Variants in RHOT1 observed in about 807,000 individuals in gnomAD.
RHOT1 encodes the protein mitochondrial Rho GTPase 1.
Under a neutral mutation model 95.3 loss-of-function variants are expected in RHOT1, and 27 were observed. The observed-to-expected ratio is 0.28, with a 90% confidence interval of 0.21 to 0.39. The LOEUF (loss-of-function observed/expected upper bound fraction) is 0.39, where lower values mean the gene tolerates loss of function less well. Among genes scored for constraint, RHOT1 ranks in the 10% least tolerant of loss-of-function variants. The pLI is 1.00. For synonymous variants in RHOT1, 227 were observed against 263.5 expected (o/e 0.86, Z 1.34); for missense variants, 578 against 786.7 (o/e 0.73, Z 3.17).
chr17:32,165,496 C>T (rs900286093), intron 1 of RHOT1, among the ~76,000 whole-genome samples: 3 of 150,548 alleles, frequency 2.0e-5, no homozygotes, highest in Non-Finnish European at 4.4e-5. Flanking sequence ...GCACTCCAGC[C>T]TGAGTGATCG....
intron 16 of RHOT1, among the ~76,000 whole-genome samples, chr17:32,204,543 G>GAAA (rs58323302): frequency 0.059 from 3,248 of 54,684 alleles, 191 homozygotes; most frequent in African/African-American, 0.18. Flanking sequence ...TCCATCTCCA[G>GAAA]AAAAAAAAAA....
intron 1 of RHOT1, among the ~76,000 whole-genome samples, chr17:32,160,640 G>A (rs774968459): frequency 1.3e-5 from 2 of 152,200 alleles, no homozygotes; most frequent in Non-Finnish European, 2.9e-5. Flanking sequence ...GTGTTCTCCA[G>A]TGCCAGCTGT....
chr17:32,174,060 C>T (rs1394746501), intron 3 of RHOT1, 148 bp downstream of exon 3: 1 of 633,166 alleles, frequency 1.6e-6, no homozygotes, highest in Admixed American at 3.0e-5. Flanking sequence ...TCATTTATGT[C>T]TGTCAACCTC....
intron 16 of RHOT1, among the ~76,000 whole-genome samples, chr17:32,204,712 G>T (rs1419142555): frequency 6.6e-6 from 1 of 151,842 alleles, no homozygotes; most frequent in Non-Finnish European, 1.5e-5. Context: ...AATGGGTTAG[G>T]CATGGTGGCT....
At chr17:32,195,738 C>T (rs1242409754) in intron 11 of RHOT1, among the ~76,000 whole-genome samples, 1 of 152,170 alleles carries the variant, frequency 6.6e-6, no homozygotes, top group East Asian at 1.9e-4. Flanking sequence ...ATTCCTAGTC[C>T]ATTAATCAGT....
intron 19 of RHOT1, among the ~76,000 whole-genome samples, chr17:32,212,786 C>G (rs1204103001): frequency 6.6e-6 from 1 of 152,124 alleles, no homozygotes; most frequent in Non-Finnish European, 1.5e-5. Flanking sequence ...ATCCTTCAGG[C>G]ATTTGAAGAC....
chr17:32,171,434 GA>G (rs2034570756), intron 2 of RHOT1, among the ~76,000 whole-genome samples: 1 of 152,192 alleles, frequency 6.6e-6, no homozygotes, highest in African/African-American at 2.4e-5. Context: ...CTGTATCTAT[GA>G]AATACAGTAT....
intron 2 of RHOT1, 83 bp from the exon 3 acceptor site, chr17:32,173,748 G>C: frequency 1.1e-6 from 1 of 918,896 alleles, no homozygotes; most frequent in East Asian, 2.5e-5. Context: ...AACCTGTGTA[G>C]ATAAATTTAT....
chr17:32,177,551 C>G (rs538543909), intron 6 of RHOT1, among the ~76,000 whole-genome samples: 19 of 151,936 alleles, frequency 1.3e-4, no homozygotes, highest in Non-Finnish European at 2.4e-4. Flanking sequence ...GTCAGGAGAT[C>G]GAGACCATCC....
Position 32,184,207 on chromosome 17 carries a change from A to G in RHOT1, c.540+935A>G, listed in dbSNP as rs568811613. On this transcript the variant is annotated intron_variant, in intron 8 of 19. Transcript: ENST00000545287. ...TTCAGAACATTTCATCACCCCAAAG[A>G]GAAACCCTGTACCTATTAGCAGTCA... 7.9e-5 allele frequency among the ~76,000 whole-genome samples: 12 copies of G among 152,226 alleles called. No homozygotes were observed. In the South Asian group the frequency reaches 2.5e-3, roughly 32 times the overall value.
At chr17:32,218,502 G>GTC in intron 19 of RHOT1, among the ~76,000 whole-genome samples, 1 of 140,068 alleles carries the variant, frequency 7.1e-6, no homozygotes, top group Non-Finnish European at 1.5e-5. Context: ...ATGAGATCCT[G>GTC]TCTGAAAAAA....
chr17:32,151,033 G>C, intron 1 of RHOT1: 1 of 1,442,358 alleles, frequency 6.9e-7, no homozygotes, highest in South Asian at 1.3e-5. Flanking sequence ...GGGGGAAGAG[G>C]GGAGATTGTG....
At chr17:32,143,592 T>C (rs1198157068) in intron 1 of RHOT1, among the ~76,000 whole-genome samples, 1 of 152,172 alleles carries the variant, frequency 6.6e-6, no homozygotes, top group African/African-American at 2.4e-5. Context: ...ACCCAGAAAT[T>C]TCATACATTT....
In RHOT1 at chr17:32,176,027, CT is replaced by C; in HGVS notation, c.276+19del. The C allele has an allele frequency of 2.5e-6, 4 of 1,603,658 alleles. No individual in the cohort carries two copies. Among genetic ancestry groups the C allele is most frequent in the Non-Finnish European group, 3.4e-6 (4 of 1,175,582 alleles). On this transcript the variant is annotated intron_variant, in intron 5 of 19. Coordinates refer to ENST00000545287, the MANE Select transcript of RHOT1 (RefSeq NM_001033566.3). ...ATTCTATTGATAAGGTAGGTGTGAT[CT>C]TTTTTTCCCTATAGTTGGTTTCAGT...
chr17:32,212,184 G>A (rs73268539), intron 19 of RHOT1, among the ~76,000 whole-genome samples: 1,725 of 152,302 alleles, frequency 0.011, 35 homozygotes, highest in African/African-American at 0.039. Context: ...GACACTCACT[G>A]AGGGCTAGAC....
chr17:32,152,864 C>T (rs569071927), intron 1 of RHOT1, among the ~76,000 whole-genome samples: 35 of 151,574 alleles, frequency 2.3e-4, no homozygotes, highest in African/African-American at 6.8e-4. Flanking sequence ...AATGTAGTGG[C>T]GTGATCATGG....
Position 32,225,694 on chromosome 17 carries a change from A to C in RHOT1, c.*961A>C, listed in dbSNP as rs1598491555. ...TATTTTTTCCATCATCAGCCTTTTC[A>C]AGTATTTAAATAAATAACTGCTGTG... On this transcript the variant is annotated 3_prime_UTR_variant, in exon 20 of 20. Coordinates refer to ENST00000545287, the MANE Select transcript of RHOT1 (RefSeq NM_001033566.3). 6.6e-6 allele frequency: 1 copy of C among 152,192 alleles called. No individual in the cohort carries two copies. The highest frequency in any genetic ancestry group is 1.5e-5 in the Non-Finnish European group (1 of 68,036). 9.4% of individuals were successfully genotyped at this position (152,192 alleles called of 1,614,324 possible). A position where few individuals can be genotyped will look rare whatever the true frequency, so the allele number is the denominator to read the frequency against.
intron 1 of RHOT1, among the ~76,000 whole-genome samples, chr17:32,148,902 A>G (rs1226973301): frequency 6.6e-6 from 1 of 152,226 alleles, no homozygotes; most frequent in Admixed American, 6.5e-5. Flanking sequence ...TGTGATGAAA[A>G]GACACATTTG....
chr17:32,151,032 G>A, intron 1 of RHOT1: 2 of 1,452,752 alleles, frequency 1.4e-6, no homozygotes, highest in South Asian at 1.3e-5. Context: ...TGGGGGAAGA[G>A]GGGAGATTGT....
Sources: gnomAD v4.1 joint callset for allele counts (sites outside exome capture counted in the v4.1 genomes callset) on GRCh38, gnomAD v4.1.1 for gene constraint, MANE v1.5 for transcripts, NCBI Gene and HGNC (gene_info 2026-07-23, HGNC 2026-07-21) for gene names.